MSLN: variants seen among roughly 807,000 people sequenced by gnomAD.
MSLN encodes CAK1 antigen.
In MSLN, 82 loss-of-function variants were observed where a neutral mutation model predicts 72.6. That is an observed-to-expected ratio of 1.13 (90% CI 0.94 to 1.36). The LOEUF is 1.36. Ranked by LOEUF, MSLN falls within the 40% of genes most tolerant of loss-of-function variation. MSLN has a pLI of 0.00. For missense variants in MSLN, 1,005 were observed against 847.9 expected, an observed-to-expected ratio of 1.19 and a Z score of -2.30; for synonymous variants, 456 against 387.3, an observed-to-expected ratio of 1.18 and a Z score of -2.08.
Position 766,418 on chromosome 16 carries a change from G to A in MSLN, c.1158G>A (p.Lys386=), listed in dbSNP as rs757706783. 2 of 1,612,718 alleles carry A rather than the reference G, an allele frequency of 1.2e-6. No homozygotes were observed. Among genetic ancestry groups the A allele is most frequent in the Non-Finnish European group, 1.7e-6 (2 of 1,179,918 alleles). ...FLKMSPEDIR[K]WNVTSLETLK... ...AGATGAGCCCTGAGGACATTCGCAAGTGGAATGTGACGTCCCTGGAGACCC... is the reference window on the plus strand; with the variant it reads ...AGATGAGCCCTGAGGACATTCGCAAATGGAATGTGACGTCCCTGGAGACCC... Residue 386 remains lysine, a synonymous_variant, in exon 13 of 18, where the codon AAG becomes AAA. Coordinates refer to ENST00000545450, the MANE Select transcript of MSLN (RefSeq NM_005823.6).
chr16:768,588 GGCTGGGGGCAGA>G (rs748983133), intron 17 of MSLN, 23 bp downstream of exon 17: 39 of 1,610,204 alleles, frequency 2.4e-5, no homozygotes, highest in Admixed American at 6.7e-5. Context: ...GCCAGGCCAG[GGCTGGGGGCAGA>G]GCTGGGGGCG....
rs1479861340 is a variant in MSLN at position 768,725 on chromosome 16, C to G, written c.1861C>G (p.Leu621Val). 1 of 1,610,636 alleles carries G rather than the reference C, an allele frequency of 6.2e-7. No individual in the cohort carries two copies. Among genetic ancestry groups the G allele is most frequent in the South Asian group, 1.1e-5 (1 of 91,088 alleles). ...TVLALLLAST[L>V]A ...CCTGGCACTGCTCCTAGCCTCCACC[C>G]TGGCCTGAGGGCCCCACTCCCTTGC... is the stretch of plus-strand genomic sequence containing the variant. The change falls in exon 18 of 18, where the codon CTG becomes GTG. Residue 621 changes from leucine to valine, a missense_variant. Transcript: ENST00000545450.
rs773190648 is a variant in MSLN, at chr16:767,007, T to C, written c.1496T>C (p.Phe499Ser). Residue 499 changes from phenylalanine (F) to serine (S), a missense_variant, in exon 15 of 18, where the codon TTC becomes TCC. Coordinates refer to ENST00000545450, the MANE Select transcript of MSLN (RefSeq NM_005823.6). ...GSEYFVKIQSFLGGAPTEDLK... is the reference protein window; with the variant it reads ...GSEYFVKIQSSLGGAPTEDLK... ...GAATACTTCGTGAAGATCCAGTCCT[T>C]CCTGGGTGAGCCAGGGAGTCCCTGG... The C allele has an allele frequency of 6.2e-7, 1 of 1,612,422 alleles. No homozygotes were observed. Among genetic ancestry groups the C allele is most frequent in the South Asian group, 1.1e-5 (1 of 91,062 alleles).
intron 15 of MSLN, 140 bp downstream of exon 15, chr16:767,152 G>A (rs1168406988): frequency 2.8e-6 from 4 of 1,407,410 alleles, no homozygotes; most frequent in Non-Finnish European, 3.9e-6. Context: ...GCCCCCCGGG[G>A]TGTGTATGGC....
In MSLN at chr16:768,725, C is replaced by T. The variant is rs1479861340; in HGVS notation, c.1861C>T (p.Leu621=). 6.2e-7 allele frequency: 1 copy of T among 1,610,636 alleles called. No individual in the cohort carries two copies. The highest frequency in any genetic ancestry group is 8.5e-7 in the Non-Finnish European group (1 of 1,179,532). ...TVLALLLAST[L]A ...CCTGGCACTGCTCCTAGCCTCCACC[C>T]TGGCCTGAGGGCCCCACTCCCTTGC... The change falls in exon 18 of 18, where the codon CTG becomes TTG. Residue 621 remains leucine, a synonymous_variant. Coordinates refer to ENST00000545450, the MANE Select transcript of MSLN (RefSeq NM_005823.6).
Position 765,020 on chromosome 16 carries a change from C to T in MSLN, c.494C>T (p.Ala165Val), listed in dbSNP as rs369844688. Residue 165 changes from alanine (A) to valine (V), a missense_variant, in exon 8 of 18, where the codon GCG becomes GTG. Transcript: ENST00000545450. ...GAPERQRLLP[A>V]ALACWGVRGS... ...CCCGAGCGACAGCGGCTGCTGCCTGCGGCTCTGGCCTGCTGGGTAGGGGCT... is the reference window on the plus strand; with the variant it reads ...CCCGAGCGACAGCGGCTGCTGCCTGTGGCTCTGGCCTGCTGGGTAGGGGCT... 20 of 1,611,506 alleles carry T rather than the reference C, an allele frequency of 1.2e-5. No individual in the cohort carries two copies. Among genetic ancestry groups the T allele is most frequent in the South Asian group, 3.3e-5 (3 of 90,982 alleles).
At position 764,058 on chromosome 16, in the gene MSLN, C is replaced by T. The variant is rs9927389; in HGVS notation, c.215C>T (p.Ala72Val). The change falls in exon 6 of 18, where the codon GCG (alanine) becomes GTG (valine). Residue 72 changes from alanine to valine, a missense_variant. By Grantham distance (64) the Ala-to-Val change is moderately conservative. Coordinates refer to ENST00000545450, the MANE Select transcript of MSLN (RefSeq NM_005823.6). ...SPRQLLGFPC[A>V]EVSGLSTERV... ...CGCCAACTCCTTGGCTTCCCGTGTGCGGAGGTGTCCGGCCTGAGCACGGAG... is the reference window on the plus strand; with the variant it reads ...CGCCAACTCCTTGGCTTCCCGTGTGTGGAGGTGTCCGGCCTGAGCACGGAG... 0.034 allele frequency: 53,902 copies of T among 1,604,796 alleles called. 2,492 individuals are homozygous for T. The highest frequency in any genetic ancestry group is 0.17 in the South Asian group (15,042 of 91,016).
intron 11 of MSLN, 57 bp from the exon 12 acceptor site, chr16:766,002 G>A (rs2041602328): frequency 2.6e-6 from 4 of 1,519,332 alleles, no homozygotes; most frequent in East Asian, 2.4e-5. Context: ...GGAGGTGTGG[G>A]AGGAAGAAGG....
chr16:768,507 G>A lies in MSLN; in HGVS notation c.1725G>A (p.Gly575=), dbSNP rs769584923. ...RQRQDDLDTL[G]LGLQGGIPNG... is the part of the protein sequence containing the mutation. The stretch of plus-strand genomic sequence containing the variant: ...GGCAGGACGACCTGGACACGCTGGG[G>A]CTGGGGCTACAGGGCGGCATCCCCA... Residue 575 remains glycine (G), a synonymous_variant, in exon 17 of 18, where the codon GGG becomes GGA. Coordinates refer to ENST00000545450, the MANE Select transcript of MSLN (RefSeq NM_005823.6). The A allele has an allele frequency of 1.9e-6, 3 of 1,594,364 alleles. No homozygotes were observed. Among genetic ancestry groups the A allele is most frequent in the East Asian group, 2.2e-5 (1 of 44,568 alleles).
intron 9 of MSLN, 45 bp downstream of exon 9, chr16:765,348 G>A: frequency 6.7e-7 from 1 of 1,498,016 alleles, no homozygotes; most frequent in Non-Finnish European, 8.9e-7. Flanking sequence ...CTGGCGGCGT[G>A]GTATCAGCAG....
At chr16:765,648 G>A (rs779073438) in intron 10 of MSLN, 31 bp downstream of exon 10, 3 of 1,597,768 alleles carry the variant, frequency 1.9e-6, no homozygotes, top group Admixed American at 3.3e-5. Flanking sequence ...CCGTGGGGAT[G>A]CCCGGCCACC....
intron 16 of MSLN, 71 bp from the exon 17 acceptor site, chr16:768,308 G>A: frequency 6.9e-7 from 1 of 1,443,642 alleles, no homozygotes; most frequent in Non-Finnish European, 9.2e-7. Flanking sequence ...GGACACAGGA[G>A]AGCCTGGCAG....
In MSLN at chr16:763,253, A is replaced by T. The variant is rs1197651721; in HGVS notation, c.106A>T (p.Thr36Ser). 6.5e-7 allele frequency: 1 copy of T among 1,541,404 alleles called. No individual in the cohort carries two copies. The highest frequency in any genetic ancestry group is 1.4e-5 in the African/African-American group (1 of 72,040). The change falls in exon 4 of 18, where the codon ACC becomes TCC. Residue 36 changes from threonine to serine, a missense_variant. Physicochemically the swap from Thr to Ser is moderately conservative, Grantham distance 58. Coordinates refer to ENST00000545450, the MANE Select transcript of MSLN (RefSeq NM_005823.6). Reference sequence around the variant, plus strand: ...TTTAGGATGGGTGCAGCCCTCGAGGACCCTGGCTGGAGAGACAGGGCAGGT... The same window carrying T: ...TTTAGGATGGGTGCAGCCCTCGAGGTCCCTGGCTGGAGAGACAGGGCAGGT... ...FSLGWVQPSR[T>S]LAGETGQEAA...
In MSLN at chr16:764,956, A is replaced by G. The variant is rs2041585129; in HGVS notation, c.430A>G (p.Ile144Val). The G allele has an allele frequency of 4.3e-6, 7 of 1,612,308 alleles. No homozygotes were observed. Among genetic ancestry groups the G allele is most frequent in the Non-Finnish European group, 5.9e-6 (7 of 1,179,790 alleles). ...PQACTRFFSR[I>V]TKANVDLLPR... ...GGCCTGCACCCGTTTCTTCTCCCGC[A>G]TCACGAAGGCCAATGTGGACCTGCT... Residue 144 changes from isoleucine to valine, a missense_variant, in exon 8 of 18, where the codon ATC becomes GTC. Transcript: ENST00000545450.
rs1437615133 is a variant in MSLN at position 765,338 on chromosome 16, C to T, written c.704+35C>T. The T allele has an allele frequency of 5.3e-6, 8 of 1,516,706 alleles. No homozygotes were observed. The Admixed American group carries it at 6.1e-5, about 12-fold the overall frequency. The allele number at this position is 1,516,706 out of a possible 1,614,324, so 94.0% of individuals were successfully genotyped here. On this transcript the variant is annotated intron_variant, in intron 9 of 17. Coordinates refer to ENST00000545450, the MANE Select transcript of MSLN (RefSeq NM_005823.6). ...GGTGTCTGGAACCTCGAAGGCTCAC[C>T]TGGCGGCGTGGTATCAGCAGCGTGA...
At chr16:765,073 G>A (rs767019141) in intron 8 of MSLN, 37 bp downstream of exon 8, 38 of 1,607,496 alleles carry the variant, frequency 2.4e-5, no homozygotes, top group African/African-American at 1.5e-4. Context: ...GAGAGGGCTC[G>A]GCAGTTCCAA....
At chr16:766,280 C>T in intron 12 of MSLN, 43 bp downstream of exon 12, 1 of 1,609,888 alleles carries the variant, frequency 6.2e-7, no homozygotes, top group Middle Eastern at 1.7e-4. Flanking sequence ...TGTGTCCAAG[C>T]CATCCCCAGC....
chr16:766,741 C>T lies in MSLN; in HGVS notation c.1304C>T (p.Ala435Val). The part of the protein sequence containing the change: ...LDKDTLDTLT[A>V]FYPGYLCSLS... Reference sequence around the variant, plus strand: ...AAAGACACCCTAGACACCCTGACCGCCTTCTACCCTGGGTACCTGTGCTCC... The same window carrying T: ...AAAGACACCCTAGACACCCTGACCGTCTTCTACCCTGGGTACCTGTGCTCC... The change falls in exon 14 of 18, where the codon GCC (alanine) becomes GTC (valine). Residue 435 changes from alanine to valine, a missense_variant. Coordinates refer to ENST00000545450, the MANE Select transcript of MSLN (RefSeq NM_005823.6). The T allele has an allele frequency of 6.2e-7, 1 of 1,612,670 alleles. No homozygotes were observed. Among genetic ancestry groups the T allele is most frequent in the Non-Finnish European group, 8.5e-7 (1 of 1,179,920 alleles).
Position 762,413 on chromosome 16 carries a change from G to A in MSLN, c.-9-259G>A. 4 of 503,934 alleles carry A rather than the reference G, an allele frequency of 7.9e-6. No individual in the cohort carries two copies. In the South Asian group the frequency reaches 9.6e-5, roughly 12 times the overall value. The allele number at this position is 503,934 out of a possible 1,614,324, so 31.2% of individuals were successfully genotyped here. On this transcript the variant is annotated intron_variant, in intron 2 of 17. Coordinates refer to ENST00000545450, the MANE Select transcript of MSLN (RefSeq NM_005823.6). ...TGCCCTGCCCTTCTGGGAGAGGGGT[G>A]GGCGCCAACTGACTCCTGGGCTGTC...
Sources: gnomAD v4.1 joint callset for allele counts on GRCh38, gnomAD v4.1.1 for gene constraint, MANE v1.5 for transcripts, NCBI Gene and HGNC (gene_info 2026-07-23, HGNC 2026-07-21) for gene names.